The following ATP8B4 variants were observed in gnomAD, a reference collection of about 807,000 sequenced individuals.
The protein encoded by ATP8B4 is ATPase phospholipid transporting 8B4 (putative), also known as probable phospholipid-transporting ATPase IM.
In ATP8B4, 133 loss-of-function variants were observed where a neutral mutation model predicts 145.6. That is an observed-to-expected ratio of 0.91 (90% confidence interval 0.79 to 1.05). ATP8B4 has a LOEUF of 1.05. ATP8B4 is among the 50% of genes least tolerant of loss of function. The pLI is 0.00. For missense variants in ATP8B4, 1,458 were observed against 1,425.2 expected (o/e 1.02, Z -0.37); for synonymous variants, 507 against 492.9 (o/e 1.03, Z -0.38).
intron 5 of ATP8B4, among the ~76,000 whole-genome samples, chr15:50,044,066 A>G (rs1173278157): frequency 2.0e-5 from 3 of 152,236 alleles, no homozygotes; most frequent in African/African-American, 4.8e-5. Context: ...ACAATAGGCT[A>G]TTAGTAAAGT....
rs1284524912 is a variant in ATP8B4 at position 49,859,432 on chromosome 15, C to CT, written c.*761_*762insA. On this transcript the variant is annotated 3_prime_UTR_variant, in exon 28 of 28. Transcript: ENST00000284509. ...ATTACTACTGAGGTTGTTAGAAAAGCCATTGAAAAGTATTTAGAATACTTA... is the reference window on the plus strand; with the variant it reads ...ATTACTACTGAGGTTGTTAGAAAAGCTCATTGAAAAGTATTTAGAATACTTA... 1.0e-3 allele frequency: 152 copies of CT among 152,246 alleles called. No individual in the cohort carries two copies. The highest frequency in any genetic ancestry group is 3.4e-3 in the Middle Eastern group (1 of 294). The allele number at this position is 152,246 out of a possible 1,614,324, so 9.4% of individuals were successfully genotyped here. A position where few individuals can be genotyped will look rare whatever the true frequency, so the allele number is the denominator to read the frequency against.
chr15:50,151,100 C>A (rs1288965655), intron 1 of ATP8B4, among the ~76,000 whole-genome samples: 1 of 152,092 alleles, frequency 6.6e-6, no homozygotes, highest in Non-Finnish European at 1.5e-5. Flanking sequence ...CTAGTTTCAG[C>A]TTATAGGGCT....
In ATP8B4 at chr15:49,897,394, A is replaced by C. The variant is rs774994077; in HGVS notation, c.2595T>G (p.Ser865=). 5 of 1,613,974 alleles carry C rather than the reference A, an allele frequency of 3.1e-6. No individual in the cohort carries two copies. The highest frequency in any genetic ancestry group is 4.2e-6 in the Non-Finnish European group (5 of 1,179,858). The part of the protein sequence containing the change: ...QRLLLVHGRW[S]YFRMCKFLCY... ...ATAAGAATTTGCACATTCGGAAATA[A>C]GACCACCTTCCATGAACAAGGAGAA... Residue 865 remains serine, a synonymous_variant, in exon 23 of 28, where the codon TCT becomes TCG. Transcript: ENST00000284509.
At chr15:49,983,025 C>T (rs926106619) in intron 10 of ATP8B4, among the ~76,000 whole-genome samples, 1 of 152,110 alleles carries the variant, frequency 6.6e-6, no homozygotes, top group African/African-American at 2.4e-5. Context: ...TACTTACTCT[C>T]CCTTCCCTTT....
chr15:49,984,601 GAAGTTA>G (rs1040769070), intron 10 of ATP8B4, among the ~76,000 whole-genome samples: 3 of 152,136 alleles, frequency 2.0e-5, no homozygotes, highest in Non-Finnish European at 4.4e-5. Flanking sequence ...TGGCCAGCCT[GAAGTTA>G]GCACACAAGA....
At chr15:49,924,913 C>T (rs1324616192) in intron 16 of ATP8B4, among the ~76,000 whole-genome samples, 1 of 152,178 alleles carries the variant, frequency 6.6e-6, no homozygotes, top group Non-Finnish European at 1.5e-5. Context: ...TTTTCTTGTA[C>T]AATAATCCAA....
At chr15:50,044,556 A>C in intron 5 of ATP8B4, 38 bp downstream of exon 5, 1 of 1,410,820 alleles carries the variant, frequency 7.1e-7, no homozygotes, top group Non-Finnish European at 9.8e-7. Flanking sequence ...CCACAACTGA[A>C]ATTGAGACCT....
At position 49,931,185 on chromosome 15, in the gene ATP8B4, G is replaced by C. The variant is rs2041222024; in HGVS notation, c.1576C>G (p.Leu526Val). The C allele has an allele frequency of 1.2e-6, 2 of 1,612,522 alleles. No homozygotes were observed. The highest frequency in any genetic ancestry group is 4.5e-5 in the East Asian group (2 of 44,838). ...AAGGCAAGTAATTGATAAGTAACTA[G>C]TGTTCCCAATTCTTCTATTGTTATG... is the stretch of plus-strand genomic sequence containing the variant. ...ETITIEELGT[L>V]VTYQLLAFLD... is the part of the protein sequence containing the mutation. Residue 526 changes from leucine (L) to valine (V), a missense_variant, in exon 16 of 28, where the codon CTA becomes GTA. By Grantham distance (32) the Leu-to-Val change is conservative. Transcript: ENST00000284509.
intron 23 of ATP8B4, among the ~76,000 whole-genome samples, chr15:49,884,550 C>T (rs2413972): frequency 0.16 from 22,800 of 142,292 alleles, 1,874 homozygotes; most frequent in South Asian, 0.25. Context: ...TGCAGTGAGC[C>T]GAGATCATAC....
chr15:50,038,600 G>A (rs1345671972), intron 6 of ATP8B4, among the ~76,000 whole-genome samples, 168 bp downstream of exon 6: 5 of 152,124 alleles, frequency 3.3e-5, no homozygotes, highest in Non-Finnish European at 5.9e-5. Context: ...AGCATTTGCG[G>A]AACATAAAAG....
At chr15:49,943,117 A>G (rs2042293607) in intron 14 of ATP8B4, among the ~76,000 whole-genome samples, 1 of 152,140 alleles carries the variant, frequency 6.6e-6, no homozygotes, top group South Asian at 2.1e-4. Context: ...AGACTTGATC[A>G]AACAGGAAAA....
rs755699504 is a variant in ATP8B4, at chr15:49,898,233, C to T, written c.2308G>A (p.Asp770Asn). ...AGTTCTAGGAGATCATTCTTGACAT[C>T]ACTTTCTAGGGCATGAGCCTGTATG... The part of the protein sequence containing the change: ...GHSLAHALES[D>N]VKNDLLELAC... Residue 770 changes from aspartate to asparagine, a missense_variant, in exon 22 of 28, where the codon GAT becomes AAT. Physicochemically the swap from Asp to Asn is conservative, Grantham distance 23. Coordinates refer to ENST00000284509, the MANE Select transcript of ATP8B4 (RefSeq NM_024837.4). The T allele has an allele frequency of 5.0e-6, 8 of 1,613,496 alleles. No individual in the cohort carries two copies. Among genetic ancestry groups the T allele is most frequent in the Middle Eastern group, 3.3e-4 (2 of 6,054 alleles).
intron 6 of ATP8B4, among the ~76,000 whole-genome samples, chr15:50,029,238 T>TAAAAAAAAAAAAAAAAAAA (rs58363112): frequency 2.3e-4 from 18 of 76,604 alleles, no homozygotes; most frequent in Non-Finnish European, 3.7e-4. Context: ...GACTCCATCT[T>TAAAAAAAAAAAAAAAAAAA]AAAAAAAAAA....
At chr15:49,956,978 T>A (rs1194312794) in intron 14 of ATP8B4, among the ~76,000 whole-genome samples, 2 of 152,116 alleles carry the variant, frequency 1.3e-5, no homozygotes, top group Non-Finnish European at 2.9e-5. Context: ...GCTGAAGGAA[T>A]AGGTCTAAAA....
intron 1 of ATP8B4, among the ~76,000 whole-genome samples, chr15:50,163,651 T>C (rs2044553086): frequency 6.6e-6 from 1 of 152,232 alleles, no homozygotes; most frequent in South Asian, 2.1e-4. Context: ...TTATGTTTAC[T>C]GAAGGCTGAA....
chr15:50,172,968 G>A (rs563467000), intron 1 of ATP8B4, among the ~76,000 whole-genome samples: 16 of 151,186 alleles, frequency 1.1e-4, no homozygotes, highest in African/African-American at 3.9e-4. Context: ...TCCGGGAGGT[G>A]GGGGGCAGCC....
chr15:50,055,321 T>G (rs1278021017), intron 3 of ATP8B4, among the ~76,000 whole-genome samples: 1 of 152,246 alleles, frequency 6.6e-6, no homozygotes, highest in African/African-American at 2.4e-5. Flanking sequence ...GTTTTTCTTT[T>G]ACTCTCAACC....
chr15:50,034,447 C>T (rs1287746172), intron 6 of ATP8B4, among the ~76,000 whole-genome samples: 1 of 152,060 alleles, frequency 6.6e-6, no homozygotes, highest in African/African-American at 2.4e-5. Context: ...TCAAGCTGGT[C>T]TCAAACTCCT....
intron 3 of ATP8B4, among the ~76,000 whole-genome samples, chr15:50,055,649 A>T (rs2052540417): frequency 6.6e-6 from 1 of 152,206 alleles, no homozygotes; most frequent in Non-Finnish European, 1.5e-5. Flanking sequence ...TTCTTGCCAC[A>T]AAAGGAGGCA....
Sources: gnomAD v4.1 joint callset for allele counts (sites outside exome capture counted in the v4.1 genomes callset) on GRCh38, gnomAD v4.1.1 for gene constraint, MANE v1.5 for transcripts, NCBI Gene and HGNC (gene_info 2026-07-23, HGNC 2026-07-21) for gene names.